Variants in CORO6 observed in about 807,000 individuals in gnomAD.
The protein encoded by CORO6 is coronin-6.
Under a neutral mutation model 49.0 loss-of-function variants are expected in CORO6, and 43 were observed. The ratio of observed to expected loss-of-function variants is 0.88; its 90% confidence interval spans 0.69 to 1.13. CORO6 has a LOEUF of 1.13. Among genes scored for constraint, CORO6 ranks in the 50% most tolerant of loss-of-function variants. The pLI, the probability that CORO6 is intolerant of heterozygous loss-of-function variation, is 0.00. For synonymous variants in CORO6, 233 were observed against 256.5 expected (o/e 0.91, Z 0.88); for missense variants, 650 against 647.0 (o/e 1.00, Z -0.05).
In CORO6 at chr17:29,614,800, CG is replaced by C. The variant is rs1447214813; in HGVS notation, c.*931del. ...TAACTTTACTTGGGGGGAACGCCTACGGTGTGGGTTGGGGTCCTTCTGAACC... is the reference window on the plus strand; with the variant it reads ...TAACTTTACTTGGGGGGAACGCCTACGTGTGGGTTGGGGTCCTTCTGAACC... On this transcript the variant is annotated 3_prime_UTR_variant, in exon 11 of 11. Transcript: ENST00000388767. The C allele has an allele frequency of 6.6e-6, 1 of 152,466 alleles. No individual in the cohort carries two copies. The highest frequency in any genetic ancestry group is 1.5e-5 in the Non-Finnish European group (1 of 68,090). 9.4% of individuals were successfully genotyped at this position (152,466 alleles called of 1,614,324 possible).
chr17:29,615,729 G>C lies in CORO6; in HGVS notation c.*3C>G. On this transcript the variant is annotated 3_prime_UTR_variant, in exon 11 of 11. Coordinates refer to ENST00000388767, the MANE Select transcript of CORO6 (RefSeq NM_032854.4). ...CCCCGCTCCGCCTGCCTGGCGCGCG[G>C]GGCTAGTCCGTGCCGTCCACCAGCT... 2 of 1,536,332 alleles carry C rather than the reference G, an allele frequency of 1.3e-6. No individual in the cohort carries two copies. Among genetic ancestry groups the C allele is most frequent in the Non-Finnish European group, 1.8e-6 (2 of 1,142,428 alleles).
In CORO6 at chr17:29,622,878, A is replaced by C; in HGVS notation, c.-254T>G. On this transcript the variant is annotated 5_prime_UTR_variant, in exon 1 of 11. Transcript: ENST00000388767. ...GCTCTCTAGAGCCCGGCGCCGCTGCAGCCCCAGCTGCCGCTGCCATCAACC... is the reference window on the plus strand; with the variant it reads ...GCTCTCTAGAGCCCGGCGCCGCTGCCGCCCCAGCTGCCGCTGCCATCAACC... The C allele has an allele frequency of 7.7e-7, 1 of 1,290,488 alleles. No individual in the cohort carries two copies. Among genetic ancestry groups the C allele is most frequent in the Non-Finnish European group, 1.0e-6 (1 of 984,686 alleles). 79.9% of individuals were successfully genotyped at this position (1,290,488 alleles called of 1,614,324 possible). A position where few individuals can be genotyped will look rare whatever the true frequency, so the allele number is the denominator to read the frequency against.
rs1034959475 is a variant in CORO6 at position 29,621,103 on chromosome 17, G to A, written c.198+121C>T. 2.3e-6 allele frequency: 3 copies of A among 1,304,538 alleles called. No homozygotes were observed. Among genetic ancestry groups the A allele is most frequent in the Admixed American group, 2.1e-5 (1 of 47,514 alleles). The allele number at this position is 1,304,538 out of a possible 1,614,324, so 80.8% of individuals were successfully genotyped here. ...TTGAGGGCTTGGGGAATAGGGAGGA[G>A]CCAATCCACACAGATGCTTCTCCTG... is the stretch of plus-strand genomic sequence containing the variant. On this transcript the variant is annotated intron_variant, in intron 2 of 10. Transcript: ENST00000388767. The surrounding 1 kb of genome is among the most constrained non-coding windows in gnomAD (Gnocchi z 4.2).
At chr17:29,618,045 T>C (rs2035089219) in intron 5 of CORO6, 1 of 1,496,428 alleles carries the variant, frequency 6.7e-7, no homozygotes, top group Non-Finnish European at 8.9e-7. Flanking sequence ...CGGCCTGGCC[T>C]ACCGGGTCCC....
chr17:29,616,415 G>C lies in CORO6; in HGVS notation c.1005-79C>G, dbSNP rs1378719993. 2.9e-6 allele frequency: 4 copies of C among 1,388,750 alleles called. No homozygotes were observed. The African/African-American group carries it at 5.7e-5, about 20-fold the overall frequency. The allele number at this position is 1,388,750 out of a possible 1,614,324, so 86.0% of individuals were successfully genotyped here. ...CCTGTCTAAGACCAAGGGGGTTGGAGGCCAACACTTGCTCAGCGCCTACCA... is the reference window on the plus strand; with the variant it reads ...CCTGTCTAAGACCAAGGGGGTTGGACGCCAACACTTGCTCAGCGCCTACCA... On this transcript the variant is annotated intron_variant, in intron 8 of 10. Transcript: ENST00000388767. This position sits in a 1 kb window ranked among gnomAD's most constrained non-coding sequence, Gnocchi z 5.6.
At position 29,617,607 on chromosome 17, in the gene CORO6, C is replaced by T. The variant is rs1222009229; in HGVS notation, c.646G>A (p.Ala216Thr). The T allele has an allele frequency of 6.3e-7, 1 of 1,598,018 alleles. No homozygotes were observed. Among genetic ancestry groups the T allele is most frequent in the Admixed American group, 1.7e-5 (1 of 57,844 alleles). The change falls in exon 6 of 11, where the codon GCC becomes ACC. Residue 216 changes from alanine to threonine, a missense_variant. Ala to Thr is a moderately conservative substitution (Grantham distance 58). Transcript: ENST00000388767. ...KGQVVAERFA[A>T]HEGMRPMRAV... ...CGCATGGGCCTCATCCCCTCGTGGG[C>T]CGCAAACCTCTCCTGGGGGGAGGGG... is the stretch of plus-strand genomic sequence containing the variant.
In CORO6 at chr17:29,616,950, G is replaced by A. The variant is rs1381249666; in HGVS notation, c.846C>T (p.Tyr282=). 1 of 1,613,800 alleles carries A rather than the reference G, an allele frequency of 6.2e-7. No homozygotes were observed. Among genetic ancestry groups the A allele is most frequent in the East Asian group, 2.2e-5 (1 of 44,876 alleles). The change falls in exon 7 of 11, where the codon TAC becomes TAT. Residue 282 remains tyrosine (Y), a synonymous_variant. Coordinates refer to ENST00000388767, the MANE Select transcript of CORO6 (RefSeq NM_032854.4). This position sits in a 1 kb window ranked among gnomAD's most constrained non-coding sequence, Gnocchi z 5.6. The stretch of plus-strand genomic sequence containing the variant: ...CGGCCGTGAGCACCTTGCCACACAG[G>A]TAGACGATGCTGGAGTCGGGATCGT... ...PFYDPDSSIV[Y]LCGKGDSSIR...
rs1447995407 is a variant in CORO6, at chr17:29,617,522, C to T, written c.731G>A (p.Arg244Gln). ...TACCGGGTCCCACAGGCCCAGCTCT[C>T]GCTGGCTCATGCGGGTGAAGCCCGT... is the stretch of plus-strand genomic sequence containing the variant. ...FTTGFTRMSQRELGLWDPNNF... is the reference protein window; with the variant it reads ...FTTGFTRMSQQELGLWDPNNF... Residue 244 changes from arginine (R) to glutamine (Q), a missense_variant, in exon 6 of 11, where the codon CGA (arginine) becomes CAA (glutamine). By Grantham distance (43) the Arg-to-Gln change is conservative. Transcript: ENST00000388767. 3 of 1,610,842 alleles carry T rather than the reference C, an allele frequency of 1.9e-6. No individual in the cohort carries two copies. Among genetic ancestry groups the T allele is most frequent in the Non-Finnish European group, 2.5e-6 (3 of 1,179,740 alleles).
At chr17:29,618,425 G>T in intron 5 of CORO6, 3 of 1,283,146 alleles carry the variant, frequency 2.3e-6, no homozygotes. Context: ...CCAGACCCTG[G>T]AAGATGCGTC....
In CORO6 at chr17:29,619,665, C is replaced by A; in HGVS notation, c.307G>T (p.Asp103Tyr). ...NDNVIASASD[D>Y]TTIMVWQIPD... Reference sequence around the variant, plus strand: ...CTGGCTCCTACCATGATGGTGGTGTCGTCTGAGGCACTGGCGATAACGTTG... The same window carrying A: ...CTGGCTCCTACCATGATGGTGGTGTAGTCTGAGGCACTGGCGATAACGTTG... Residue 103 changes from aspartate to tyrosine, a missense_variant, in exon 3 of 11, where the codon GAC becomes TAC. Physicochemically the swap from Asp to Tyr is radical, Grantham distance 160. Transcript: ENST00000388767. 6.2e-7 allele frequency: 1 copy of A among 1,613,592 alleles called. No individual in the cohort carries two copies. Among genetic ancestry groups the A allele is most frequent in the Non-Finnish European group, 8.5e-7 (1 of 1,179,806 alleles).
Position 29,615,350 on chromosome 17 carries a change from C to A in CORO6, c.*382G>T. 5.4e-6 allele frequency: 1 copy of A among 183,606 alleles called. No homozygotes were observed. The allele number at this position is 183,606 out of a possible 1,614,324, so 11.4% of individuals were successfully genotyped here. A position where few individuals can be genotyped will look rare whatever the true frequency, so the allele number is the denominator to read the frequency against. ...CAGCCTGGGGGTACCCATCAAATCG[C>A]CACCCGTTTGAGGTCAAGCTCAGGC... On this transcript the variant is annotated 3_prime_UTR_variant, in exon 11 of 11. Coordinates refer to ENST00000388767, the MANE Select transcript of CORO6 (RefSeq NM_032854.4).
At position 29,618,941 on chromosome 17, in the gene CORO6, A is replaced by G; in HGVS notation, c.482T>C (p.Val161Ala). 1 of 1,613,794 alleles carries G rather than the reference A, an allele frequency of 6.2e-7. No individual in the cohort carries two copies. The highest frequency in any genetic ancestry group is 8.5e-7 in the Non-Finnish European group (1 of 1,179,996). Residue 161 changes from valine (V) to alanine (A), a missense_variant, in exon 5 of 11, where the codon GTG becomes GCG. Coordinates refer to ENST00000388767, the MANE Select transcript of CORO6 (RefSeq NM_032854.4). ...GCTCAGCAGCACCTCCCCGGTGCCC[A>G]CATTCCAGATGATGATCACATTGTC... is the stretch of plus-strand genomic sequence containing the variant. ...GGDNVIIIWN[V>A]GTGEVLLSLD...
chr17:29,618,023 G>C (rs2035085678), intron 5 of CORO6: 10 of 1,469,016 alleles, frequency 6.8e-6, no homozygotes, highest in African/African-American at 1.5e-5. Flanking sequence ...GAGCGAGCTA[G>C]CGCGCCCGGC....
chr17:29,619,311 C>A, intron 3 of CORO6, 122 bp from the exon 4 acceptor site: 1 of 1,231,528 alleles, frequency 8.1e-7, no homozygotes, highest in Non-Finnish European at 1.1e-6. Flanking sequence ...AAATACAGGG[C>A]AAGATGTGGT....
intron 3 of CORO6, 35 bp from the exon 4 acceptor site, chr17:29,619,224 T>C (rs371062707): frequency 6.2e-7 from 1 of 1,608,600 alleles, no homozygotes; most frequent in Non-Finnish European, 8.5e-7. Context: ...GTGGGTGGAA[T>C]GAGGAGCCAC....
intron 1 of CORO6, 45 bp downstream of exon 1, chr17:29,622,643 C>G (rs1179200320): frequency 9.0e-7 from 1 of 1,116,674 alleles, no homozygotes; most frequent in Non-Finnish European, 1.1e-6. Flanking sequence ...GGACCCCGCC[C>G]GCTCCGCTGG....
Position 29,621,426 on chromosome 17 carries a change from G to A in CORO6, c.-5C>T. On this transcript the variant is annotated 5_prime_UTR_variant, in exon 2 of 11. Coordinates refer to ENST00000388767, the MANE Select transcript of CORO6 (RefSeq NM_032854.4). The surrounding 1 kb of genome is among the most constrained non-coding windows in gnomAD (Gnocchi z 4.2). ...CCGAACCACACGTCTGCTCATAGCT[G>A]CAGGCAGAGAGGTAGGATCTCAGTG... 6.2e-7 allele frequency: 1 copy of A among 1,601,214 alleles called. No homozygotes were observed. Among genetic ancestry groups the A allele is most frequent in the Non-Finnish European group, 8.5e-7 (1 of 1,173,352 alleles).
At chr17:29,617,736 G>A (rs1415360917) in intron 5 of CORO6, 117 bp from the exon 6 acceptor site, 18 of 1,162,514 alleles carry the variant, frequency 1.5e-5, no homozygotes, top group South Asian at 3.2e-5. Context: ...CGGATGCGGG[G>A]AAGAGACAAA....
chr17:29,617,717 G>T, intron 5 of CORO6, 98 bp from the exon 6 acceptor site: 1 of 1,298,866 alleles, frequency 7.7e-7, no homozygotes, highest in South Asian at 1.5e-5. Flanking sequence ...GGTGTCCGGG[G>T]TGGAGGAGCG....
Sources: gnomAD v4.1 joint callset for allele counts on GRCh38, gnomAD v4.1.1 for gene constraint, Gnocchi (gnomAD v3.1) non-coding constraint, MANE v1.5 for transcripts, NCBI Gene and HGNC (gene_info 2026-07-23, HGNC 2026-07-21) for gene names.